WBP1L: variants seen among roughly 807,000 people sequenced by gnomAD.
The protein encoded by WBP1L is WW domain binding protein 1-like.
In WBP1L, 17 loss-of-function variants were observed where a neutral mutation model predicts 33.7. The observed-to-expected ratio is 0.50, with a 90% confidence interval of 0.34 to 0.76. WBP1L has a LOEUF of 0.76. Among genes scored for constraint, WBP1L ranks in the 30% least tolerant of loss-of-function variants. WBP1L has a pLI of 0.01. For synonymous variants in WBP1L, 173 were observed against 190.8 expected (o/e 0.91, Z 0.77); for missense variants, 389 against 469.4 (o/e 0.83, Z 1.58).
chr10:102,804,470 A>G (rs1438638367), intron 2 of WBP1L, among the ~76,000 whole-genome samples: 1 of 151,374 alleles, frequency 6.6e-6, no homozygotes, highest in African/African-American at 2.4e-5. Context: ...TTTCTGGATC[A>G]AGGATTCCTT....
chr10:102,758,455 A>G (rs900557274), intron 1 of WBP1L, among the ~76,000 whole-genome samples: 2 of 152,188 alleles, frequency 1.3e-5, no homozygotes, highest in Non-Finnish European at 2.9e-5. Flanking sequence ...TTTCATATGA[A>G]TGGAACCATA....
At chr10:102,766,441 CAAAAAA>C (rs56812691) in intron 1 of WBP1L, among the ~76,000 whole-genome samples, 16 of 57,464 alleles carry the variant, frequency 2.8e-4, no homozygotes, top group South Asian at 8.8e-4. Context: ...AACTCTGTCT[CAAAAAA>C]AAAAAAAAAA....
chr10:102,752,327 A>G (rs975183977), intron 1 of WBP1L, among the ~76,000 whole-genome samples: 5 of 152,136 alleles, frequency 3.3e-5, no homozygotes, highest in African/African-American at 1.2e-4. Flanking sequence ...CTTTCTTGCA[A>G]GAACAACATA....
At chr10:102,796,053 A>G (rs1476902063) in intron 1 of WBP1L, among the ~76,000 whole-genome samples, 3 of 152,192 alleles carry the variant, frequency 2.0e-5, no homozygotes, top group Non-Finnish European at 4.4e-5. Flanking sequence ...TTTTTCAGCT[A>G]TGATGGTGTG....
intron 1 of WBP1L, among the ~76,000 whole-genome samples, chr10:102,777,932 T>C (rs1330754271): frequency 6.6e-6 from 1 of 152,094 alleles, no homozygotes; most frequent in African/African-American, 2.4e-5. Context: ...GTGTTGGAAA[T>C]AGGATGAAGC....
At chr10:102,744,444 G>A (rs1842839296) in intron 1 of WBP1L, 1 of 985,206 alleles carries the variant, frequency 1.0e-6, no homozygotes. Flanking sequence ...GAGGATGTGG[G>A]CCTTATTCGT....
At chr10:102,803,008 C>T (rs1590191065) in intron 2 of WBP1L, among the ~76,000 whole-genome samples, 2 of 152,194 alleles carry the variant, frequency 1.3e-5, no homozygotes, top group Non-Finnish European at 2.9e-5. Flanking sequence ...TTTATTCTCC[C>T]CGTTTTACAG....
rs1157839788 is a variant in WBP1L, at chr10:102,807,761, C to A, written c.194-2132C>A. On this transcript the variant is annotated intron_variant, in intron 2 of 3. Coordinates refer to ENST00000448841, the MANE Select transcript of WBP1L (RefSeq NM_001083913.2). ...TTAATATCAGAAACTCTTTGTATGT[C>A]AAAAATAATATTATGTGAGTAATTT... Among the ~76,000 whole-genome samples, 4 of 150,926 alleles carry A rather than the reference C, an allele frequency of 2.7e-5. No individual in the cohort carries two copies. In the South Asian group the frequency reaches 6.3e-4, roughly 24 times the overall value.
At chr10:102,810,464 T>C (rs1843816746) in intron 3 of WBP1L, among the ~76,000 whole-genome samples, 1 of 88,458 alleles carries the variant, frequency 1.1e-5, no homozygotes, top group African/African-American at 4.0e-5. Flanking sequence ...TTCTTTTCCT[T>C]CCTTCCTTCC....
intron 1 of WBP1L, among the ~76,000 whole-genome samples, chr10:102,767,796 A>G (rs1312882286): frequency 6.6e-6 from 1 of 152,218 alleles, no homozygotes; most frequent in African/African-American, 2.4e-5. Context: ...CTCCACTAAA[A>G]TAGAAATTCC....
chr10:102,763,672 T>G (rs1843071534), intron 1 of WBP1L, among the ~76,000 whole-genome samples: 1 of 152,178 alleles, frequency 6.6e-6, no homozygotes, highest in Admixed American at 6.5e-5. Context: ...CAAGGTCACT[T>G]TACATTTTCA....
intron 2 of WBP1L, among the ~76,000 whole-genome samples, chr10:102,803,694 C>T (rs979742347): frequency 3.3e-5 from 5 of 151,668 alleles, no homozygotes; most frequent in Non-Finnish European, 7.4e-5. Flanking sequence ...CTGCAAGCTC[C>T]GCCTCCCAGG....
rs987532156 is a variant in WBP1L at position 102,760,668 on chromosome 10, C to T, written c.90+16525C>T. Among the ~76,000 whole-genome samples, 4 of 152,170 alleles carry T rather than the reference C, an allele frequency of 2.6e-5. No homozygotes were observed. The South Asian group carries it at 6.2e-4, about 24-fold the overall frequency. ...GGGATTACAGGCGTGAGCCACCGTG[C>T]CTGGCCGAGTCTTCCTTATTTCCAT... On this transcript the variant is annotated intron_variant, in intron 1 of 3. Coordinates refer to ENST00000448841, the MANE Select transcript of WBP1L (RefSeq NM_001083913.2).
At chr10:102,758,710 AC>A (rs1377221206) in intron 1 of WBP1L, among the ~76,000 whole-genome samples, 2 of 152,154 alleles carry the variant, frequency 1.3e-5, no homozygotes, top group Non-Finnish European at 2.9e-5. Context: ...AGATGCAGAG[AC>A]CGGTAGTGGC....
chr10:102,774,616 C>T (rs1843232905), intron 1 of WBP1L, among the ~76,000 whole-genome samples: 3 of 152,260 alleles, frequency 2.0e-5, no homozygotes, highest in South Asian at 4.1e-4. Context: ...CTGTGCTGTA[C>T]GTGTCATGTG....
chr10:102,806,674 CTGTT>C (rs1843741309), intron 2 of WBP1L, among the ~76,000 whole-genome samples: 1 of 152,222 alleles, frequency 6.6e-6, no homozygotes, highest in Non-Finnish European at 1.5e-5. Context: ...AATCCTCTGT[CTGTT>C]CTCTTGCTGC....
At chr10:102,780,371 G>A (rs1843320007) in intron 1 of WBP1L, among the ~76,000 whole-genome samples, 1 of 152,162 alleles carries the variant, frequency 6.6e-6, no homozygotes, top group Non-Finnish European at 1.5e-5. Context: ...TCAGAAAATA[G>A]GTTTTCTGGT....
intron 1 of WBP1L, among the ~76,000 whole-genome samples, chr10:102,780,294 G>A (rs1843319237): frequency 6.6e-6 from 1 of 152,124 alleles, no homozygotes; most frequent in Non-Finnish European, 1.5e-5. Flanking sequence ...TTTGGGTATG[G>A]CACTATATAC....
At chr10:102,751,608 A>G (rs1842925094) in intron 1 of WBP1L, among the ~76,000 whole-genome samples, 1 of 152,184 alleles carries the variant, frequency 6.6e-6, no homozygotes, top group Non-Finnish European at 1.5e-5. Context: ...ACACCTGGCC[A>G]ATGTGATATT....
Sources: gnomAD v4.1 joint callset for allele counts (sites outside exome capture counted in the v4.1 genomes callset) on GRCh38, gnomAD v4.1.1 for gene constraint, MANE v1.5 for transcripts, NCBI Gene and HGNC (gene_info 2026-07-23, HGNC 2026-07-21) for gene names.